The following ST6GALNAC3 variants were observed in gnomAD, a reference collection of about 807,000 sequenced individuals.
The protein encoded by ST6GALNAC3 is alpha-N-acetylgalactosaminide alpha-2,6-sialyltransferase 3.
ST6GALNAC3 carries 25 observed loss-of-function variants against 32.7 expected under a neutral mutation model. The ratio of observed to expected loss-of-function variants is 0.76; its 90% CI spans 0.56 to 1.07. The LOEUF (loss-of-function observed/expected upper bound fraction) is 1.07. Ranked by LOEUF, ST6GALNAC3 falls within the 50% of genes least tolerant of loss-of-function variation. The pLI is 0.00. For synonymous variants in ST6GALNAC3, 129 were observed against 133.1 expected (o/e 0.97, Z 0.21); for missense variants, 355 against 382.4 (o/e 0.93, Z 0.60).
At chr1:76,238,975 TAA>T (rs1005809508) in intron 1 of ST6GALNAC3, among the ~76,000 whole-genome samples, 2 of 151,058 alleles carry the variant, frequency 1.3e-5, no homozygotes, top group Admixed American at 6.6e-5. Flanking sequence ...TTTAACTGTT[TAA>T]AAGGATAAGG....
intron 2 of ST6GALNAC3, among the ~76,000 whole-genome samples, chr1:76,359,837 AT>A (rs1649787556): frequency 6.6e-6 from 1 of 152,200 alleles, no homozygotes; most frequent in Admixed American, 6.5e-5. Context: ...TAGGTGAATG[AT>A]TAGACTTACA....
intron 1 of ST6GALNAC3, among the ~76,000 whole-genome samples, chr1:76,244,331 C>A (rs759768735): frequency 6.6e-6 from 1 of 152,120 alleles, no homozygotes; most frequent in Non-Finnish European, 1.5e-5. Context: ...TGCTTATCAG[C>A]GTAAGGAGTT....
chr1:76,603,877 A>C (rs913905827), intron 3 of ST6GALNAC3, among the ~76,000 whole-genome samples: 1 of 152,188 alleles, frequency 6.6e-6, no homozygotes, highest in African/African-American at 2.4e-5. Flanking sequence ...CTATGAACAC[A>C]TTACCTATAG....
chr1:76,539,152 C>G (rs1405470145), intron 3 of ST6GALNAC3, among the ~76,000 whole-genome samples: 2 of 152,130 alleles, frequency 1.3e-5, no homozygotes, highest in Admixed American at 1.3e-4. Flanking sequence ...CAGCATGGTA[C>G]TAGACCAAAA....
At chr1:76,273,740 A>G (rs1379346729) in intron 1 of ST6GALNAC3, among the ~76,000 whole-genome samples, 1 of 152,220 alleles carries the variant, frequency 6.6e-6, no homozygotes, top group Non-Finnish European at 1.5e-5. Flanking sequence ...TGAGAGCCTT[A>G]AGATGCTGAT....
chr1:76,153,380 C>T (rs547029630), intron 1 of ST6GALNAC3, among the ~76,000 whole-genome samples: 8 of 152,270 alleles, frequency 5.3e-5, no homozygotes, highest in African/African-American at 1.9e-4. Context: ...TTCCCCAGGG[C>T]TCCTATAGAC....
At chr1:76,406,697 T>C (rs1271303655) in intron 2 of ST6GALNAC3, among the ~76,000 whole-genome samples, 1 of 152,052 alleles carries the variant, frequency 6.6e-6, no homozygotes, top group Non-Finnish European at 1.5e-5. Flanking sequence ...TCTGCATATA[T>C]GTATATTAAG....
intron 1 of ST6GALNAC3, among the ~76,000 whole-genome samples, chr1:76,232,158 T>A (rs1350835902): frequency 6.6e-6 from 1 of 152,196 alleles, no homozygotes; most frequent in African/African-American, 2.4e-5. Flanking sequence ...CAGAATTGTT[T>A]TACCTATAGT....
At chr1:76,443,832 C>T (rs1344570551) in intron 3 of ST6GALNAC3, among the ~76,000 whole-genome samples, 1 of 152,194 alleles carries the variant, frequency 6.6e-6, no homozygotes, top group Non-Finnish European at 1.5e-5. Flanking sequence ...CAAGTTCCCA[C>T]CTGAGAGAGA....
intron 3 of ST6GALNAC3, among the ~76,000 whole-genome samples, chr1:76,606,131 G>A (rs12022733): frequency 6.6e-6 from 1 of 152,090 alleles, no homozygotes; most frequent in Admixed American, 6.6e-5. Context: ...ATGTAACTTA[G>A]TTCAACCATT....
At chr1:76,397,927 T>C (rs1381978627) in intron 2 of ST6GALNAC3, among the ~76,000 whole-genome samples, 2 of 151,710 alleles carry the variant, frequency 1.3e-5, no homozygotes, top group Non-Finnish European at 2.9e-5. Flanking sequence ...GGAGAACTAC[T>C]GTGTCATCTG....
intron 1 of ST6GALNAC3, among the ~76,000 whole-genome samples, chr1:76,202,093 T>G (rs1171378374): frequency 6.6e-6 from 1 of 151,914 alleles, no homozygotes; most frequent in Non-Finnish European, 1.5e-5. Context: ...GCAAATCAGG[T>G]GTATTTTCTG....
chr1:76,521,609 G>A (rs1662542760), intron 3 of ST6GALNAC3, among the ~76,000 whole-genome samples: 2 of 152,116 alleles, frequency 1.3e-5, no homozygotes, highest in South Asian at 4.2e-4. Flanking sequence ...GATTGATTAT[G>A]TTATTTATGA....
chr1:76,412,919 G>GT (rs897714731), intron 3 of ST6GALNAC3: 2 of 267,258 alleles, frequency 7.5e-6, no homozygotes, highest in Non-Finnish European at 1.5e-5. Flanking sequence ...TCATAACTTG[G>GT]TATCTAACTT....
chr1:76,227,351 T>G (rs1656134454), intron 1 of ST6GALNAC3, among the ~76,000 whole-genome samples: 1 of 152,182 alleles, frequency 6.6e-6, no homozygotes, highest in African/African-American at 2.4e-5. Context: ...CCTGGGAACT[T>G]CAGGGTCAAT....
At chr1:76,575,580 C>T (rs1170464543) in intron 3 of ST6GALNAC3, among the ~76,000 whole-genome samples, 3 of 152,098 alleles carry the variant, frequency 2.0e-5, no homozygotes, top group Admixed American at 6.6e-5. Context: ...TTAAGATTAA[C>T]TCTCAAGTTT....
chr1:76,135,817 G>A (rs1281589635), intron 1 of ST6GALNAC3, among the ~76,000 whole-genome samples: 2 of 152,126 alleles, frequency 1.3e-5, no homozygotes, highest in African/African-American at 2.4e-5. Context: ...CCACCCATGC[G>A]GCTCTCCTAT....
intron 3 of ST6GALNAC3, among the ~76,000 whole-genome samples, chr1:76,603,779 C>G (rs1340379746): frequency 1.3e-5 from 2 of 152,184 alleles, no homozygotes; most frequent in Non-Finnish European, 2.9e-5. Context: ...CTCAGGCAGT[C>G]CTTCCACCTC....
At position 76,273,377 on chromosome 1, in the gene ST6GALNAC3, T is replaced by G. The variant is rs190629290; in HGVS notation, c.19-40428T>G. Among the ~76,000 whole-genome samples the G allele has an allele frequency of 2.4e-4, 37 of 152,218 alleles. No homozygotes were observed. In the East Asian group the frequency reaches 7.1e-3, roughly 29 times the overall value. On this transcript the variant is annotated intron_variant, in intron 1 of 4. Coordinates refer to ENST00000328299, the MANE Select transcript of ST6GALNAC3 (RefSeq NM_152996.4). The stretch of plus-strand genomic sequence containing the variant: ...TTAAAACACAAACCCAGAAAAATAT[T>G]CACAATAAATAGTGAATAAAAAGTT...
Sources: allele counts gnomAD v4.1 joint callset (sites outside exome capture counted in the v4.1 genomes callset), GRCh38; gene constraint gnomAD v4.1.1; transcripts MANE v1.5; gene names NCBI Gene and HGNC (gene_info 2026-07-23, HGNC 2026-07-21).